The following KIF26B variants were observed in gnomAD, a reference collection of about 807,000 sequenced individuals.
The protein encoded by KIF26B is kinesin-like protein KIF26B.
In KIF26B, 63 loss-of-function variants were observed where a neutral mutation model predicts 151.2. That is an observed-to-expected ratio of 0.42 (90% CI 0.34 to 0.51). The LOEUF is 0.51. Ranked by LOEUF, KIF26B falls within the 20% of genes least tolerant of loss-of-function variation. The probability of loss-of-function intolerance (pLI) is 0.07; values close to 1 mark genes in which losing one functional copy is unlikely to be tolerated. For synonymous variants in KIF26B, 1,357 were observed against 1,262.1 expected (o/e 1.08, Z -1.59); for missense variants, 2,813 against 2,913.6 (o/e 0.97, Z 0.79).
chr1:245,216,581 C>T (rs745598813), intron 2 of KIF26B, among the ~76,000 whole-genome samples: 9 of 152,120 alleles, frequency 5.9e-5, no homozygotes, highest in Admixed American at 1.3e-4. Context: ...CTAGATGGTA[C>T]GCAGGCAAGA....
chr1:245,640,143 C>CTCTA, intron 9 of KIF26B, among the ~76,000 whole-genome samples: 1 of 31,930 alleles, frequency 3.1e-5, no homozygotes, highest in Non-Finnish European at 5.9e-5. Flanking sequence ...CTCTCTCTCT[C>CTCTA]TATATATATA....
In KIF26B at chr1:245,686,995, G is replaced by A. The variant is rs775799993; in HGVS notation, c.4012G>A (p.Asp1338Asn). Residue 1338 changes from aspartate to asparagine, a missense_variant, in exon 12 of 15, where the codon GAC becomes AAC. Physicochemically the swap from Asp to Asn is conservative, Grantham distance 23 (BLOSUM62 1). Coordinates refer to ENST00000407071, the MANE Select transcript of KIF26B (RefSeq NM_018012.4). This position sits in a 1 kb window ranked among gnomAD's most constrained non-coding sequence, Gnocchi z 5.6. Reference protein sequence around the residue: ...VCREKPKASPDNLLILSEMGD... With the variant: ...VCREKPKASPNNLLILSEMGD... ...CAGAGAGAAGCCCAAGGCCAGCCCCGACAACTTGCTCATCCTGTCTGAGAT... is the reference window on the plus strand; with the variant it reads ...CAGAGAGAAGCCCAAGGCCAGCCCCAACAACTTGCTCATCCTGTCTGAGAT... 4.3e-5 allele frequency: 70 copies of A among 1,613,490 alleles called. No homozygotes were observed. Among genetic ancestry groups the A allele is most frequent in the Admixed American group, 8.3e-5 (5 of 59,980 alleles).
intron 2 of KIF26B, among the ~76,000 whole-genome samples, chr1:245,253,217 C>T (rs919053069): frequency 3.6e-4 from 54 of 151,852 alleles, no homozygotes; most frequent in Non-Finnish European, 5.9e-5. Context: ...CCATATTGGT[C>T]GGGCTGGTCT....
In KIF26B at chr1:245,667,881, CTGTT is replaced by C. The variant is rs973300615; in HGVS notation, c.2259-16342_2259-16339del. On this transcript the variant is annotated intron_variant, in intron 10 of 14. Transcript: ENST00000407071. This position sits in a 1 kb window ranked among gnomAD's most constrained non-coding sequence, Gnocchi z 4.3. The stretch of plus-strand genomic sequence containing the variant: ...TTAATTCCTAATTCCTTAGCTGCTT[CTGTT>C]TGTTTGTTTTGTTTTGTGTTTTTGA... Among the ~76,000 whole-genome samples, 5 of 152,094 alleles carry C rather than the reference CTGTT, an allele frequency of 3.3e-5. No homozygotes were observed. In the East Asian group the frequency reaches 5.8e-4, roughly 18 times the overall value.
rs372200072 is a variant in KIF26B, at chr1:245,687,383, C to T, written c.4400C>T (p.Thr1467Met). 5.2e-5 allele frequency: 82 copies of T among 1,588,016 alleles called. No individual in the cohort carries two copies. Among genetic ancestry groups the T allele is most frequent in the Non-Finnish European group, 6.9e-5 (80 of 1,167,628 alleles). Residue 1467 changes from threonine to methionine, a missense_variant, in exon 12 of 15, where the codon ACG (threonine) becomes ATG (methionine). By Grantham distance (81) the Thr-to-Met change is moderately conservative (BLOSUM62 -1). Coordinates refer to ENST00000407071, the MANE Select transcript of KIF26B (RefSeq NM_018012.4). The surrounding 1 kb of genome is among the most constrained non-coding windows in gnomAD (Gnocchi z 4.9). ...EEGMMRCETA[T>M]GPSNAETRAE... ...GGGATGATGAGGTGTGAGACTGCCACGGGCCCCTCGAATGCTGAGACCAGA... is the reference window on the plus strand; with the variant it reads ...GGGATGATGAGGTGTGAGACTGCCATGGGCCCCTCGAATGCTGAGACCAGA...
chr1:245,679,456 T>TG (rs1415048959), intron 10 of KIF26B, among the ~76,000 whole-genome samples: 3 of 82,022 alleles, frequency 3.7e-5, no homozygotes. Flanking sequence ...TTTTTGTGTG[T>TG]GTTTTTTTTT....
At chr1:245,592,137 A>T (rs146718180) in intron 5 of KIF26B, among the ~76,000 whole-genome samples, 2 of 152,104 alleles carry the variant, frequency 1.3e-5, no homozygotes, top group East Asian at 3.9e-4. Context: ...TTGTGCCACC[A>T]CTTGTCACCT....
At chr1:245,628,067 T>C (rs2043742975) in intron 9 of KIF26B, among the ~76,000 whole-genome samples, 1 of 152,226 alleles carries the variant, frequency 6.6e-6, no homozygotes, top group East Asian at 1.9e-4. Flanking sequence ...GAGGAGCTAG[T>C]ACCATTCCTT....
chr1:245,425,181 A>G (rs562879856), intron 4 of KIF26B, among the ~76,000 whole-genome samples: 2 of 152,082 alleles, frequency 1.3e-5, no homozygotes, highest in African/African-American at 4.8e-5. Context: ...TTAATGATGT[A>G]CTTTACCTTA....
At chr1:245,690,740 T>G (rs6664771) in intron 12 of KIF26B, among the ~76,000 whole-genome samples, 89,564 of 149,694 alleles carry the variant, frequency 0.6, 28,425 homozygotes, top group Middle Eastern at 0.74. Context: ...TTTATTTGCC[T>G]GGGGGGGGGG....
chr1:245,286,295 G>A (rs1035622245), intron 2 of KIF26B, among the ~76,000 whole-genome samples: 1 of 152,110 alleles, frequency 6.6e-6, no homozygotes, highest in Non-Finnish European at 1.5e-5. Flanking sequence ...AGCACTTTGG[G>A]AGGCCAGATC....
intron 4 of KIF26B, among the ~76,000 whole-genome samples, chr1:245,499,819 G>C (rs1660584073): frequency 6.6e-6 from 1 of 152,204 alleles, no homozygotes; most frequent in Non-Finnish European, 1.5e-5. Context: ...GTGGTATTCA[G>C]GCTGGTAGGT....
At chr1:245,617,213 C>T (rs1216046922) in intron 9 of KIF26B, among the ~76,000 whole-genome samples, 25 of 152,228 alleles carry the variant, frequency 1.6e-4, no homozygotes, top group Non-Finnish European at 1.2e-4. Context: ...TCTCCTGCCT[C>T]AGCCTCCTGA....
At chr1:245,430,438 G>A (rs1658749467) in intron 4 of KIF26B, among the ~76,000 whole-genome samples, 1 of 152,134 alleles carries the variant, frequency 6.6e-6, no homozygotes, top group South Asian at 2.1e-4. Flanking sequence ...GCTGAGGTGG[G>A]AGGACAGCTT....
intron 9 of KIF26B, among the ~76,000 whole-genome samples, chr1:245,622,108 AGAT>A (rs1212932656): frequency 2.0e-5 from 3 of 152,214 alleles, no homozygotes; most frequent in Admixed American, 6.5e-5. Context: ...GCTGCAAAAC[AGAT>A]GATATTTTGC....
intron 1 of KIF26B, among the ~76,000 whole-genome samples, chr1:245,155,994 C>T (rs112340954): frequency 1.2e-4 from 16 of 134,294 alleles, no homozygotes; most frequent in Non-Finnish European, 2.2e-4. Context: ...ACCTATGGAT[C>T]CCCCCCGCCT....
At chr1:245,190,520 C>T (rs1468404682) in intron 2 of KIF26B, among the ~76,000 whole-genome samples, 1 of 152,084 alleles carries the variant, frequency 6.6e-6, no homozygotes, top group Admixed American at 6.5e-5. Flanking sequence ...TTCTCATTTT[C>T]CCGGGAGTAC....
At position 245,274,738 on chromosome 1, in the gene KIF26B, T is replaced by C. The variant is rs560937624; in HGVS notation, c.466-92096T>C. On this transcript the variant is annotated intron_variant, in intron 2 of 14. Coordinates refer to ENST00000407071, the MANE Select transcript of KIF26B (RefSeq NM_018012.4). ...AGAATGATTTATAATCCTTTGGGTA[T>C]ATACCCAGTAAGGGGATTGCTGGGT... 3.6e-4 allele frequency among the ~76,000 whole-genome samples: 55 copies of C among 152,334 alleles called. No homozygotes were observed. In the South Asian group the frequency reaches 3.9e-3, roughly 11 times the overall value.
At chr1:245,547,881 G>A (rs1383699011) in intron 5 of KIF26B, among the ~76,000 whole-genome samples, 1 of 152,178 alleles carries the variant, frequency 6.6e-6, no homozygotes, top group Non-Finnish European at 1.5e-5. Context: ...TGGTCCTGTA[G>A]CCCAGAGTCT....
Sources: gnomAD v4.1 joint callset for allele counts (sites outside exome capture counted in the v4.1 genomes callset) on GRCh38, gnomAD v4.1.1 for gene constraint, Gnocchi (gnomAD v3.1) non-coding constraint, MANE v1.5 for transcripts, NCBI Gene and HGNC (gene_info 2026-07-23, HGNC 2026-07-21) for gene names.